Variants in ALX4 observed in about 807,000 individuals in gnomAD.
ALX4 encodes homeobox protein aristaless-like 4.
A neutral mutation model predicts 40.6 loss-of-function variants in ALX4; 22 were observed. The ratio of observed to expected loss-of-function variants is 0.54; its 90% confidence interval spans 0.39 to 0.77. The LOEUF is 0.77. Among genes scored for constraint, ALX4 ranks in the 30% least tolerant of loss-of-function variants. ALX4 has a pLI of 0.00. For synonymous variants in ALX4, 266 were observed against 240.5 expected, an observed-to-expected ratio of 1.11 and a Z score of -0.98; for missense variants, 556 against 564.8, an observed-to-expected ratio of 0.98 and a Z score of 0.16.
chr11:44,293,627 C>G (rs571424639), intron 1 of ALX4, among the ~76,000 whole-genome samples: 1 of 152,182 alleles, frequency 6.6e-6, no homozygotes, highest in Non-Finnish European at 1.5e-5. Context: ...GGGGCTAAAT[C>G]CTGGGGGATG....
chr11:44,272,703 G>A (rs898784688), intron 2 of ALX4, among the ~76,000 whole-genome samples: 3 of 151,914 alleles, frequency 2.0e-5, no homozygotes, highest in African/African-American at 7.3e-5. Context: ...CAGCTACTTG[G>A]GAGGCTGAGG....
In ALX4 at chr11:44,262,640, T is replaced by G. The variant is rs1956189330; in HGVS notation, c.*2214A>C. The G allele has an allele frequency of 6.6e-6, 1 of 152,456 alleles. No individual in the cohort carries two copies. The highest frequency in any genetic ancestry group is 1.5e-5 in the Non-Finnish European group (1 of 68,262). The allele number at this position is 152,456 out of a possible 1,614,324, so 9.4% of individuals were successfully genotyped here. ...TGTCTGTCCTCCTCTTTGTCCTGAT[T>G]CCCTTGCTCTCCCTCCTGGCCCACT... On this transcript the variant is annotated 3_prime_UTR_variant, in exon 4 of 4. Transcript: ENST00000652299.
Position 44,264,947 on chromosome 11 carries a change from C to T in ALX4, c.1143G>A (p.Glu381=), listed in dbSNP as rs774924693. The T allele has an allele frequency of 1.9e-6, 3 of 1,613,150 alleles. No individual in the cohort carries two copies. The Admixed American group carries it at 5.0e-5, about 27-fold the overall frequency. The change falls in exon 4 of 4, where the codon GAG becomes GAA. Residue 381 remains glutamate (E), a synonymous_variant. Transcript: ENST00000652299. The stretch of plus-strand genomic sequence containing the variant: ...TCTTGCGGTCCGGCTCGCCGTTGAG[C>T]TCGTAGCCATTGAGGCCTGGGCTGA... ...ASLSPGLNGY[E]LNGEPDRKTS... is the part of the protein sequence containing the mutation.
In ALX4 at chr11:44,264,598, C is replaced by T. The variant is rs1198141358; in HGVS notation, c.*256G>A. The T allele has an allele frequency of 3.5e-6, 2 of 575,372 alleles. No homozygotes were observed. Among genetic ancestry groups the T allele is most frequent in the African/African-American group, 3.7e-5 (2 of 53,528 alleles). The allele number at this position is 575,372 out of a possible 1,614,324, so 35.6% of individuals were successfully genotyped here. A position where few individuals can be genotyped will look rare whatever the true frequency, so the allele number is the denominator to read the frequency against. The stretch of plus-strand genomic sequence containing the variant: ...TGGATGCGAAGCTGAAAAACGTGGC[C>T]ACCTGGCTTTCTCCACTGCCTGTGG... On this transcript the variant is annotated 3_prime_UTR_variant, in exon 4 of 4. Coordinates refer to ENST00000652299, the MANE Select transcript of ALX4 (RefSeq NM_021926.4).
intron 1 of ALX4, among the ~76,000 whole-genome samples, chr11:44,283,959 GT>G (rs1319168319): frequency 5.3e-5 from 8 of 152,112 alleles, no homozygotes; most frequent in Non-Finnish European, 1.5e-5. Flanking sequence ...TGTGTGCTTT[GT>G]TTACCCTGCT....
Position 44,299,315 on chromosome 11 carries a change from C to A in ALX4, c.466+10282G>T, listed in dbSNP as rs368530626. Among the ~76,000 whole-genome samples the A allele has an allele frequency of 2.0e-5, 3 of 151,748 alleles. No individual in the cohort carries two copies. In the East Asian group the frequency reaches 5.8e-4, roughly 29 times the overall value. ...CCTGACACTACTTGTCTTCTGCATC[C>A]CCGGTTGTGAAGCTGAGAAGAACGC... On this transcript the variant is annotated intron_variant, in intron 1 of 3. Coordinates refer to ENST00000652299, the MANE Select transcript of ALX4 (RefSeq NM_021926.4).
chr11:44,269,103 T>C (rs557996140), intron 2 of ALX4, among the ~76,000 whole-genome samples: 49 of 152,318 alleles, frequency 3.2e-4, no homozygotes, highest in African/African-American at 1.1e-3. Flanking sequence ...TCAGAGCCTT[T>C]GAGCTTCCTA....
intron 1 of ALX4, among the ~76,000 whole-genome samples, chr11:44,287,046 C>T (rs542597487): frequency 4.6e-5 from 7 of 152,312 alleles, no homozygotes; most frequent in Non-Finnish European, 7.4e-5. Context: ...TTTGGCCCAG[C>T]GGCTTTCCAT....
chr11:44,275,170 CTAGTTGGGA>C (rs779587057), intron 2 of ALX4, among the ~76,000 whole-genome samples, 169 bp downstream of exon 2: 7 of 152,226 alleles, frequency 4.6e-5, no homozygotes, highest in Admixed American at 1.3e-4. Flanking sequence ...CAGAGTCGCT[CTAGTTGGGA>C]CAGGGGCATG....
rs76036395 is a variant in ALX4, at chr11:44,294,157, C to T, written c.466+15440G>A. ...CAGGAGATCTGGGTTCAATTCACAG[C>T]GGGACAGCCTCACCTTCCTCATCTT... On this transcript the variant is annotated intron_variant, in intron 1 of 3. Transcript: ENST00000652299. 4.8e-3 allele frequency among the ~76,000 whole-genome samples: 731 copies of T among 152,320 alleles called. 6 individuals are homozygous for T. Among genetic ancestry groups the T allele is most frequent in the African/African-American group, 0.017 (706 of 41,558 alleles).
At chr11:44,298,874 A>G (rs1450347612) in intron 1 of ALX4, among the ~76,000 whole-genome samples, 1 of 152,160 alleles carries the variant, frequency 6.6e-6, no homozygotes, top group East Asian at 1.9e-4. Context: ...CTCCATTCAA[A>G]GGAAGGATGA....
chr11:44,295,992 G>C (rs536463886), intron 1 of ALX4, among the ~76,000 whole-genome samples: 124 of 152,210 alleles, frequency 8.1e-4, no homozygotes, highest in Non-Finnish European at 1.3e-3. Flanking sequence ...ATGTGTCCTT[G>C]AGCTGAATTT....
At chr11:44,296,487 G>T (rs926615076) in intron 1 of ALX4, among the ~76,000 whole-genome samples, 1 of 152,182 alleles carries the variant, frequency 6.6e-6, no homozygotes, top group African/African-American at 2.4e-5. Flanking sequence ...AAACTTCTGT[G>T]CATCAAAGGA....
intron 1 of ALX4, among the ~76,000 whole-genome samples, chr11:44,283,729 C>T (rs925840385): frequency 6.6e-6 from 1 of 152,136 alleles, no homozygotes; most frequent in African/African-American, 2.4e-5. Flanking sequence ...ACACCCCGCT[C>T]ATTTTTGTAT....
intron 1 of ALX4, among the ~76,000 whole-genome samples, chr11:44,296,825 G>A (rs1010960827): frequency 6.6e-6 from 1 of 151,872 alleles, no homozygotes; most frequent in Non-Finnish European, 1.5e-5. Context: ...CCTGGCCAAT[G>A]TGGCAAAACC....
intron 1 of ALX4, among the ~76,000 whole-genome samples, chr11:44,280,004 T>C (rs1292499278): frequency 6.6e-6 from 1 of 152,210 alleles, no homozygotes; most frequent in African/African-American, 2.4e-5. Context: ...GGTGAGCCGA[T>C]GTTCTATAGA....
At chr11:44,283,651 C>A (rs1233486596) in intron 1 of ALX4, among the ~76,000 whole-genome samples, 1 of 152,146 alleles carries the variant, frequency 6.6e-6, no homozygotes, top group Non-Finnish European at 1.5e-5. Context: ...TGCAACCTCA[C>A]CTCCTAGATT....
chr11:44,280,487 G>T (rs545453203), intron 1 of ALX4, among the ~76,000 whole-genome samples: 55 of 152,354 alleles, frequency 3.6e-4, no homozygotes, highest in African/African-American at 1.3e-3. Context: ...ACCCGCCAGG[G>T]GTTGGACTTC....
At position 44,264,934 on chromosome 11, in the gene ALX4, G is replaced by C. The variant is rs779972509; in HGVS notation, c.1156C>G (p.Pro386Ala). The C allele has an allele frequency of 1.2e-6, 2 of 1,613,016 alleles. No individual in the cohort carries two copies. Among genetic ancestry groups the C allele is most frequent in the South Asian group, 2.2e-5 (2 of 91,032 alleles). ...GLNGYELNGE[P>A]DRKTSSIAAL... ...GCGATGCTCGAGGTCTTGCGGTCCGGCTCGCCGTTGAGCTCGTAGCCATTG... is the reference window on the plus strand; with the variant it reads ...GCGATGCTCGAGGTCTTGCGGTCCGCCTCGCCGTTGAGCTCGTAGCCATTG... The change falls in exon 4 of 4, where the codon CCG (proline) becomes GCG (alanine). Residue 386 changes from proline to alanine, a missense_variant. Pro to Ala is a conservative substitution (Grantham distance 27, BLOSUM62 -1). Coordinates refer to ENST00000652299, the MANE Select transcript of ALX4 (RefSeq NM_021926.4).
Sources: allele counts gnomAD v4.1 joint callset (sites outside exome capture counted in the v4.1 genomes callset), GRCh38; gene constraint gnomAD v4.1.1; transcripts MANE v1.5; gene names NCBI Gene and HGNC (gene_info 2026-07-23, HGNC 2026-07-21).